FAF1: variants seen among roughly 807,000 people sequenced by gnomAD.
FAF1 encodes Fas associated factor 1.
FAF1 carries 25 observed loss-of-function variants against 92.5 expected under a neutral mutation model. The ratio of observed to expected loss-of-function variants is 0.27; its 90% CI spans 0.20 to 0.38. FAF1 has a LOEUF of 0.38. FAF1 is among the 10% of genes least tolerant of loss of function. The pLI is 1.00. For synonymous variants in FAF1, 234 were observed against 273.2 expected, an observed-to-expected ratio of 0.86 and a Z score of 1.42; for missense variants, 636 against 793.3, an observed-to-expected ratio of 0.80 and a Z score of 2.38.
intron 13 of FAF1, among the ~76,000 whole-genome samples, chr1:50,542,705 CA>C (rs1247812513): frequency 6.6e-6 from 1 of 152,180 alleles, no homozygotes; most frequent in Non-Finnish European, 1.5e-5. Flanking sequence ...CACTCTACAA[CA>C]AAGGGAAATG....
At chr1:50,709,410 T>C (rs1657823511) in intron 6 of FAF1, among the ~76,000 whole-genome samples, 1 of 152,222 alleles carries the variant, frequency 6.6e-6, no homozygotes, top group African/African-American at 2.4e-5. Context: ...CCTTGGAAAG[T>C]AGCACACTAG....
rs60403650 is a variant in FAF1, at chr1:50,708,090, G to A, written c.552-2199C>T. 6.4e-3 allele frequency among the ~76,000 whole-genome samples: 982 copies of A among 152,276 alleles called. 19 individuals are homozygous for A. Among genetic ancestry groups the A allele is most frequent in the African/African-American group, 0.023 (937 of 41,552 alleles). On this transcript the variant is annotated intron_variant, in intron 6 of 18. Transcript: ENST00000396153. ...CACAAAGTGCTGGGGTTACAGGTGT[G>A]AGCCACAGCGCCCGGCCCGCCCCTG... is the stretch of plus-strand genomic sequence containing the variant.
intron 8 of FAF1, among the ~76,000 whole-genome samples, chr1:50,637,762 A>G (rs1654126985): frequency 6.6e-6 from 1 of 150,790 alleles, no homozygotes; most frequent in African/African-American, 2.4e-5. Flanking sequence ...TATAGTAATG[A>G]AGTCCAATTT....
intron 1 of FAF1, among the ~76,000 whole-genome samples, chr1:50,954,297 G>C (rs893644194): frequency 6.6e-6 from 1 of 152,298 alleles, no homozygotes; most frequent in South Asian, 2.1e-4. Flanking sequence ...CTACTAGTGA[G>C]AGTTGTTCTT....
chr1:50,692,241 C>CTGTGTG (rs59187392), intron 7 of FAF1, among the ~76,000 whole-genome samples: 9,233 of 128,918 alleles, frequency 0.072, 410 homozygotes, highest in East Asian at 0.13. Flanking sequence ...GAAGTATTTA[C>CTGTGTG]TGTGTGTGTG....
intron 12 of FAF1, among the ~76,000 whole-genome samples, chr1:50,578,046 G>A (rs1258531877): frequency 1.3e-5 from 2 of 152,210 alleles, no homozygotes; most frequent in African/African-American, 4.8e-5. Context: ...GTTTTACTTA[G>A]TGATTAACTA....
At chr1:50,612,600 G>A (rs1173308537) in intron 8 of FAF1, 2 of 412,024 alleles carry the variant, frequency 4.9e-6, no homozygotes, top group African/African-American at 4.3e-5. Context: ...AAATATAAGA[G>A]CTCTGGATAT....
intron 2 of FAF1, among the ~76,000 whole-genome samples, chr1:50,803,381 G>T (rs559072520): frequency 2.6e-5 from 4 of 152,220 alleles, no homozygotes; most frequent in African/African-American, 9.6e-5. Context: ...TCTGAAACCA[G>T]GCTCTCCCAT....
intron 1 of FAF1, among the ~76,000 whole-genome samples, chr1:50,945,215 A>G (rs988280775): frequency 6.6e-6 from 1 of 152,210 alleles, no homozygotes; most frequent in Non-Finnish European, 1.5e-5. Flanking sequence ...CAGAAAGCCA[A>G]AAGTATAACA....
At chr1:50,657,923 T>C (rs958345604) in intron 7 of FAF1, among the ~76,000 whole-genome samples, 19 of 152,194 alleles carry the variant, frequency 1.2e-4, no homozygotes, top group Non-Finnish European at 2.8e-4. Flanking sequence ...TCTTAGCAAA[T>C]GGCTAGTCTA....
chr1:50,617,246 T>C (rs1652959323), intron 8 of FAF1, among the ~76,000 whole-genome samples: 1 of 152,208 alleles, frequency 6.6e-6, no homozygotes, highest in Admixed American at 6.5e-5. Flanking sequence ...TCCCAGCTTT[T>C]GTCCATTCAG....
intron 4 of FAF1, among the ~76,000 whole-genome samples, chr1:50,779,573 T>C (rs1372355166): frequency 1.3e-5 from 2 of 151,358 alleles, no homozygotes; most frequent in African/African-American, 4.8e-5. Flanking sequence ...ATGAGATAAA[T>C]ATAGAAAATT....
intron 1 of FAF1, among the ~76,000 whole-genome samples, chr1:50,953,372 C>T (rs888238557): frequency 6.6e-6 from 1 of 151,666 alleles, no homozygotes; most frequent in Non-Finnish European, 1.5e-5. Context: ...CTCCGAGAAA[C>T]ACCCAAGAAT....
intron 4 of FAF1, among the ~76,000 whole-genome samples, chr1:50,766,994 G>C (rs189439440): frequency 3.9e-5 from 6 of 152,128 alleles, no homozygotes; most frequent in Non-Finnish European, 2.9e-5. Flanking sequence ...GACAGAAACA[G>C]AATTCAGAAT....
chr1:50,564,332 G>A (rs898454969), intron 13 of FAF1, among the ~76,000 whole-genome samples: 3 of 149,530 alleles, frequency 2.0e-5, no homozygotes, highest in Admixed American at 6.7e-5. Flanking sequence ...GATATGGGAC[G>A]AGGCAAGCTA....
intron 1 of FAF1, among the ~76,000 whole-genome samples, chr1:50,884,767 C>T (rs1197537191): frequency 6.6e-6 from 1 of 151,960 alleles, no homozygotes; most frequent in Non-Finnish European, 1.5e-5. Context: ...ATTTTGGCAT[C>T]AGGGTAATAC....
intron 18 of FAF1, among the ~76,000 whole-genome samples, chr1:50,445,422 C>T (rs1557947708): frequency 6.6e-6 from 1 of 152,128 alleles, no homozygotes; most frequent in Non-Finnish European, 1.5e-5. Context: ...TCAAGGCAGT[C>T]TAGATTTGGA....
intron 15 of FAF1, among the ~76,000 whole-genome samples, chr1:50,513,426 G>T (rs1647163767): frequency 6.6e-6 from 1 of 152,158 alleles, no homozygotes; most frequent in African/African-American, 2.4e-5. Context: ...GGAGGCGGAG[G>T]TTGCAGTGAG....
chr1:50,510,525 T>A (rs1430993072), intron 15 of FAF1, among the ~76,000 whole-genome samples: 1 of 152,118 alleles, frequency 6.6e-6, no homozygotes, highest in African/African-American at 2.4e-5. Context: ...CATCCTTCCA[T>A]TAGTCCCTAA....
Sources: allele counts gnomAD v4.1 joint callset (sites outside exome capture counted in the v4.1 genomes callset), GRCh38; gene constraint gnomAD v4.1.1; transcripts MANE v1.5; gene names NCBI Gene and HGNC (gene_info 2026-07-23, HGNC 2026-07-21).